ARHGEF17: variants seen among roughly 807,000 people sequenced by gnomAD.
The protein encoded by ARHGEF17 is Rho guanine nucleotide exchange factor 17.
ARHGEF17 carries 80 observed loss-of-function variants against 174.0 expected under a neutral mutation model. The ratio of observed to expected loss-of-function variants is 0.46; its 90% CI spans 0.38 to 0.55. ARHGEF17 has a LOEUF of 0.55. ARHGEF17 is among the 20% of genes least tolerant of loss of function. The probability of loss-of-function intolerance (pLI) is 0.00; values close to 1 mark genes in which losing one functional copy is unlikely to be tolerated. For synonymous variants in ARHGEF17, 1,311 were observed against 1,189.1 expected (o/e 1.10, Z -2.11); for missense variants, 2,886 against 2,839.7 (o/e 1.02, Z -0.37).
intron 2 of ARHGEF17, among the ~76,000 whole-genome samples, chr11:73,348,461 C>G (rs552950271): frequency 6.6e-6 from 1 of 152,290 alleles, no homozygotes; most frequent in South Asian, 2.1e-4. Flanking sequence ...ATTCTGACAT[C>G]CTACAACATG....
rs1165583721 is a variant in ARHGEF17, at chr11:73,320,628, C to CAA, written c.3192+8819_3192+8820dup. ...TGGGTGACAGAGCGAGACTCCGTCT[C>CAA]AAAAAAAAAAAAAAAAAAAAAAGAT... is the stretch of plus-strand genomic sequence containing the variant. On this transcript the variant is annotated intron_variant, in intron 1 of 20. Coordinates refer to ENST00000263674, the MANE Select transcript of ARHGEF17 (RefSeq NM_014786.4). Among the ~76,000 whole-genome samples the CAA allele has an allele frequency of 2.5e-3, 141 of 57,038 alleles. 1 individual carries two copies. The highest frequency in any genetic ancestry group is 4.1e-3 in the African/African-American group (65 of 15,666). The allele number at this position is 57,038 out of a possible 152,430, so 37.4% of individuals were successfully genotyped here. A position where few individuals can be genotyped will look rare whatever the true frequency, so the allele number is the denominator to read the frequency against.
intron 1 of ARHGEF17, among the ~76,000 whole-genome samples, chr11:73,313,468 G>A (rs533088706): frequency 6.6e-6 from 1 of 152,326 alleles, no homozygotes; most frequent in African/African-American, 2.4e-5. Flanking sequence ...TGGGTTGGGG[G>A]TGCTTCTAAG....
chr11:73,355,698 A>C, intron 4 of ARHGEF17, 49 bp downstream of exon 4: 1 of 1,578,456 alleles, frequency 6.3e-7, no homozygotes, highest in South Asian at 1.1e-5. Flanking sequence ...ACCTTGGGCC[A>C]GCTTTGAGGG....
At chr11:73,314,008 G>A (rs1699637743) in intron 1 of ARHGEF17, among the ~76,000 whole-genome samples, 1 of 152,128 alleles carries the variant, frequency 6.6e-6, no homozygotes, top group South Asian at 2.1e-4. Flanking sequence ...ATAACCTGGT[G>A]GACTGCAGTA....
chr11:73,313,915 A>G (rs912014900), intron 1 of ARHGEF17, among the ~76,000 whole-genome samples: 2 of 152,194 alleles, frequency 1.3e-5, no homozygotes, highest in African/African-American at 2.4e-5. Flanking sequence ...GAAAGAAGAA[A>G]AATGGAGGCT....
At chr11:73,327,059 G>A (rs1174937509) in intron 1 of ARHGEF17, among the ~76,000 whole-genome samples, 3 of 152,232 alleles carry the variant, frequency 2.0e-5, no homozygotes, top group African/African-American at 7.2e-5. Flanking sequence ...GTCTCCAGAC[G>A]CAGCCAGGAT....
At chr11:73,312,636 G>C (rs1864857801) in intron 1 of ARHGEF17, among the ~76,000 whole-genome samples, 1 of 152,138 alleles carries the variant, frequency 6.6e-6, no homozygotes, top group Non-Finnish European at 1.5e-5. Context: ...GATAGAGGCA[G>C]GGAGGGGGCT....
intron 1 of ARHGEF17, among the ~76,000 whole-genome samples, chr11:73,329,365 A>ATTTTTTTT (rs1865162917): frequency 4.5e-4 from 1 of 2,232 alleles, no homozygotes; most frequent in African/African-American, 1.3e-3. Flanking sequence ...ATATATATAT[A>ATTTTTTTT]TATATATATT....
At chr11:73,344,407 A>T (rs1865427597) in intron 1 of ARHGEF17, among the ~76,000 whole-genome samples, 1 of 152,092 alleles carries the variant, frequency 6.6e-6, no homozygotes, top group Non-Finnish European at 1.5e-5. Flanking sequence ...AGAGGCGGGC[A>T]TTTGCAGCGT....
chr11:73,313,634 C>T (rs537364232), intron 1 of ARHGEF17, among the ~76,000 whole-genome samples: 6 of 152,364 alleles, frequency 3.9e-5, no homozygotes, highest in African/African-American at 1.4e-4. Flanking sequence ...GAACAGAGGC[C>T]TTCTCTGATC....
Position 73,356,266 on chromosome 11 carries a change from A to T in ARHGEF17, c.3755A>T (p.Asn1252Ile). Residue 1252 changes from asparagine to isoleucine, a missense_variant, in exon 6 of 21, where the codon AAC (asparagine) becomes ATC (isoleucine). By Grantham distance (149) the Asn-to-Ile change is moderately radical. Coordinates refer to ENST00000263674, the MANE Select transcript of ARHGEF17 (RefSeq NM_014786.4). Reference sequence around the variant, plus strand: ...ATCAAGCAGGTGGCTGAGCGCATCAACAAGGGTGTGCGGAGTGCCGAGGAG... The same window carrying T: ...ATCAAGCAGGTGGCTGAGCGCATCATCAAGGGTGTGCGGAGTGCCGAGGAG... ...RNIKQVAERI[N>I]KGVRSAEEAE... 6.2e-7 allele frequency: 1 copy of T among 1,613,896 alleles called. No homozygotes were observed. The highest frequency in any genetic ancestry group is 8.5e-7 in the Non-Finnish European group (1 of 1,180,016).
Position 73,357,090 on chromosome 11 carries a change from T to C in ARHGEF17, c.3957T>C (p.Thr1319=). The change falls in exon 8 of 21, where the codon ACT becomes ACC. Residue 1319 remains threonine, a synonymous_variant. Coordinates refer to ENST00000263674, the MANE Select transcript of ARHGEF17 (RefSeq NM_014786.4). ...TCACGGACCTCATCGTCTGCACCAC[T>C]CTGAAGCGAAAGTCAGGCTCCCTGC... ...FLFTDLIVCT[T]LKRKSGSLRR... is the part of the protein sequence containing the mutation. 10 of 1,614,150 alleles carry C rather than the reference T, an allele frequency of 6.2e-6. No individual in the cohort carries two copies. The highest frequency in any genetic ancestry group is 8.5e-6 in the Non-Finnish European group (10 of 1,180,032).
At chr11:73,347,895 G>A (rs886246696) in intron 2 of ARHGEF17, among the ~76,000 whole-genome samples, 1 of 152,222 alleles carries the variant, frequency 6.6e-6, no homozygotes, top group Non-Finnish European at 1.5e-5. Context: ...GTCAGGCCAG[G>A]CGTGGTAACT....
At chr11:73,351,177 C>G (rs1424016277) in intron 2 of ARHGEF17, among the ~76,000 whole-genome samples, 1 of 152,244 alleles carries the variant, frequency 6.6e-6, no homozygotes, top group Non-Finnish European at 1.5e-5. Context: ...CACCATCATC[C>G]CGGCCTTTTC....
intron 6 of ARHGEF17, 67 bp from the exon 7 acceptor site, chr11:73,356,640 CTG>C: frequency 6.3e-7 from 1 of 1,595,380 alleles, no homozygotes; most frequent in Non-Finnish European, 8.6e-7. Context: ...CGAGGGATCA[CTG>C]GGATTTTTGG....
chr11:73,310,892 G>C lies in ARHGEF17; in HGVS notation c.2254G>C (p.Gly752Arg), dbSNP rs755045520. Residue 752 changes from glycine (G) to arginine (R), a missense_variant, in exon 1 of 21, where the codon GGG (glycine) becomes CGG (arginine). Physicochemically the swap from Gly to Arg is moderately radical, Grantham distance 125. Around this residue, in one of 4 missense-constraint regions of ARHGEF17, gnomAD observed 1,728 missense variants for 1,461.2 expected, o/e 1.18. Coordinates refer to ENST00000263674, the MANE Select transcript of ARHGEF17 (RefSeq NM_014786.4). ...GGCTGCCACCTCTGAAGAGCCTACT[G>C]GGTTCTCTGTGGACAGCAACCTCCT... ...HRAATSEEPTGFSVDSNLLGS... is the reference protein window; with the variant it reads ...HRAATSEEPTRFSVDSNLLGS... 6.2e-7 allele frequency: 1 copy of C among 1,613,284 alleles called. No individual in the cohort carries two copies. Among genetic ancestry groups the C allele is most frequent in the Admixed American group, 1.7e-5 (1 of 60,018 alleles).
chr11:73,309,571 T>C lies in ARHGEF17; in HGVS notation c.933T>C (p.Asp311=). The change falls in exon 1 of 21, where the codon GAT becomes GAC. Residue 311 remains aspartate, a synonymous_variant. Transcript: ENST00000263674. The stretch of plus-strand genomic sequence containing the variant: ...ATCAGGACTGCAGGCCTGACAGTGA[T>C]GGGTTAAATCTAAGCAGCATGAACT... ...LLDQDCRPDS[D]GLNLSSMNSA... 6.2e-7 allele frequency: 1 copy of C among 1,608,024 alleles called. No individual in the cohort carries two copies. Among genetic ancestry groups the C allele is most frequent in the Non-Finnish European group, 8.5e-7 (1 of 1,176,164 alleles).
chr11:73,353,809 A>G (rs1865593831), intron 3 of ARHGEF17, among the ~76,000 whole-genome samples: 1 of 152,258 alleles, frequency 6.6e-6, no homozygotes, highest in Admixed American at 6.5e-5. Context: ...AGCAAAACCA[A>G]TAAGCATTTA....
chr11:73,351,369 C>A (rs559525385), intron 2 of ARHGEF17, among the ~76,000 whole-genome samples: 3 of 152,188 alleles, frequency 2.0e-5, no homozygotes, highest in African/African-American at 4.8e-5. Context: ...CAGTAGAGGG[C>A]GACCTCTCCA....
Sources: gnomAD v4.1 joint callset for allele counts (sites outside exome capture counted in the v4.1 genomes callset) on GRCh38, gnomAD v4.1.1 for gene constraint, gnomAD v4.1.1 regional missense constraint, MANE v1.5 for transcripts, NCBI Gene and HGNC (gene_info 2026-07-23, HGNC 2026-07-21) for gene names.